PCCA: variants seen among roughly 807,000 people sequenced by gnomAD.
The protein encoded by PCCA is propionyl-CoA carboxylase subunit alpha.
PCCA carries 74 observed loss-of-function variants against 101.3 expected under a neutral mutation model. The ratio of observed to expected loss-of-function variants is 0.73; its 90% CI spans 0.61 to 0.89. PCCA has a LOEUF of 0.89. Ranked by LOEUF, PCCA falls within the 40% of genes least tolerant of loss-of-function variation. PCCA has a pLI of 0.00. For missense variants in PCCA, 891 were observed against 907.0 expected, an observed-to-expected ratio of 0.98 and a Z score of 0.23; for synonymous variants, 294 against 313.6, an observed-to-expected ratio of 0.94 and a Z score of 0.66.
chr13:100,361,954 T>C (rs2152802404), intron 18 of PCCA, among the ~76,000 whole-genome samples: 1 of 152,232 alleles, frequency 6.6e-6, no homozygotes, highest in East Asian at 1.9e-4. Context: ...AAAGAATATC[T>C]ACAGTGGCTT....
chr13:100,106,878 A>G (rs1211439578), intron 2 of PCCA, among the ~76,000 whole-genome samples: 1 of 152,180 alleles, frequency 6.6e-6, no homozygotes, highest in Non-Finnish European at 1.5e-5. Context: ...CTGTGGAGAA[A>G]CTGTGTTTCC....
At chr13:100,108,386 T>C (rs180915214) in intron 2 of PCCA, among the ~76,000 whole-genome samples, 14 of 152,288 alleles carry the variant, frequency 9.2e-5, no homozygotes, top group Non-Finnish European at 1.9e-4. Flanking sequence ...TCAGGGTGCC[T>C]TATGAGTGAC....
chr13:100,299,238 C>T (rs1329139393), intron 12 of PCCA, among the ~76,000 whole-genome samples: 1 of 152,098 alleles, frequency 6.6e-6, no homozygotes, highest in Non-Finnish European at 1.5e-5. Context: ...AAGTTTAGAA[C>T]ACAGTGGGTC....
chr13:100,360,763 C>T (rs913233624), intron 18 of PCCA, among the ~76,000 whole-genome samples: 2 of 152,150 alleles, frequency 1.3e-5, no homozygotes, highest in African/African-American at 4.8e-5. Flanking sequence ...CAGTTTCTTA[C>T]ACAGCATAAC....
At position 100,330,543 on chromosome 13, in the gene PCCA, A is replaced by T. The variant is rs770776146; in HGVS notation, c.1430-18A>T. On this transcript the variant is annotated intron_variant, in intron 16 of 23. Transcript: ENST00000376285. ...CACTGATTCATTGTTCTTCAATTTG[A>T]TATCATTTTACTTTTAGGTGTTACA... 1.4e-6 allele frequency: 2 copies of T among 1,381,876 alleles called. No homozygotes were observed. The highest frequency in any genetic ancestry group is 2.1e-6 in the Non-Finnish European group (2 of 970,390). The allele number at this position is 1,381,876 out of a possible 1,614,324, so 85.6% of individuals were successfully genotyped here. A position where few individuals can be genotyped will look rare whatever the true frequency, so the allele number is the denominator to read the frequency against.
At chr13:100,265,632 T>A (rs1004547974) in intron 10 of PCCA, among the ~76,000 whole-genome samples, 1 of 152,072 alleles carries the variant, frequency 6.6e-6, no homozygotes, top group African/African-American at 2.4e-5. Flanking sequence ...ATGGGAGATT[T>A]GTATTTGGGT....
chr13:100,318,394 C>T (rs1020773696), intron 16 of PCCA, among the ~76,000 whole-genome samples: 10 of 151,966 alleles, frequency 6.6e-5, no homozygotes, highest in African/African-American at 7.3e-5. Flanking sequence ...AGGTTTGTTA[C>T]GTAGGTATTC....
At chr13:100,148,749 G>C (rs1371963431) in intron 4 of PCCA, among the ~76,000 whole-genome samples, 2 of 152,118 alleles carry the variant, frequency 1.3e-5, no homozygotes, top group African/African-American at 4.8e-5. Context: ...TTCCGAGATC[G>C]ATTCAGTATT....
intron 19 of PCCA, among the ~76,000 whole-genome samples, chr13:100,419,025 T>G (rs2078569888): frequency 6.6e-6 from 1 of 151,496 alleles, no homozygotes; most frequent in Non-Finnish European, 1.5e-5. Flanking sequence ...TTCTTTTTTT[T>G]TTTAAATATG....
intron 6 of PCCA, among the ~76,000 whole-genome samples, chr13:100,203,498 C>T (rs7328528): frequency 0.14 from 21,580 of 151,662 alleles, 1,688 homozygotes; most frequent in Middle Eastern, 0.22. Context: ...GAGACCAGCT[C>T]GGCCAACATG....
At chr13:100,183,282 G>A (rs1279142135) in intron 6 of PCCA, among the ~76,000 whole-genome samples, 1 of 152,192 alleles carries the variant, frequency 6.6e-6, no homozygotes, top group Non-Finnish European at 1.5e-5. Flanking sequence ...GGTATCATTA[G>A]CGTTACAAAG....
chr13:100,142,779 GA>G (rs1184613376), intron 4 of PCCA, among the ~76,000 whole-genome samples: 1 of 152,052 alleles, frequency 6.6e-6, no homozygotes, highest in Non-Finnish European at 1.5e-5. Context: ...CAGCTGAAAT[GA>G]ACCTTCTTAC....
chr13:100,225,242 C>G (rs2060084018), intron 7 of PCCA, among the ~76,000 whole-genome samples: 1 of 152,184 alleles, frequency 6.6e-6, no homozygotes, highest in Non-Finnish European at 1.5e-5. Context: ...ATTATGTGAT[C>G]TGTTCAATGT....
chr13:100,222,375 C>T (rs1330858656), intron 7 of PCCA, among the ~76,000 whole-genome samples: 1 of 152,146 alleles, frequency 6.6e-6, no homozygotes, highest in South Asian at 2.1e-4. Context: ...CCGTGCCTGA[C>T]TGGAAATAAT....
chr13:100,237,918 ACTTTCTTT>A (rs771727338), intron 8 of PCCA, among the ~76,000 whole-genome samples: 2 of 142,678 alleles, frequency 1.4e-5, no homozygotes, highest in African/African-American at 5.2e-5. Flanking sequence ...CTTTTCTTCC[ACTTTCTTT>A]CTTTCTTTCT....
At chr13:100,503,642 G>A (rs2085850649) in intron 21 of PCCA, among the ~76,000 whole-genome samples, 1 of 152,184 alleles carries the variant, frequency 6.6e-6, no homozygotes, top group Non-Finnish European at 1.5e-5. Context: ...AGTGGCTTAT[G>A]CCTGTAATCC....
intron 12 of PCCA, among the ~76,000 whole-genome samples, chr13:100,284,957 G>T (rs561083814): frequency 5.9e-5 from 9 of 152,282 alleles, no homozygotes; most frequent in Admixed American, 4.6e-4. Context: ...CAGAAGCCTC[G>T]TGCCAGCAGG....
intron 19 of PCCA, among the ~76,000 whole-genome samples, chr13:100,418,074 A>G (rs1567100717): frequency 6.6e-6 from 1 of 151,650 alleles, no homozygotes; most frequent in Non-Finnish European, 1.5e-5. Flanking sequence ...TATTCCCTGT[A>G]TTTTCTCTCC....
At chr13:100,248,476 T>C (rs570804653) in intron 8 of PCCA, among the ~76,000 whole-genome samples, 1 of 152,344 alleles carries the variant, frequency 6.6e-6, no homozygotes, top group African/African-American at 2.4e-5. Context: ...TGTCAGTGTT[T>C]TGGATTTTAG....
Sources: allele counts gnomAD v4.1 joint callset (sites outside exome capture counted in the v4.1 genomes callset), GRCh38; gene constraint gnomAD v4.1.1; transcripts MANE v1.5; gene names NCBI Gene and HGNC (gene_info 2026-07-23, HGNC 2026-07-21).